Variants in CEP112 observed in about 807,000 individuals in gnomAD.
CEP112 encodes centrosomal protein 112.
A neutral mutation model predicts 153.0 loss-of-function variants in CEP112; 127 were observed. That is an observed-to-expected ratio of 0.83 (90% confidence interval 0.72 to 0.96). The LOEUF (loss-of-function observed/expected upper bound fraction) is 0.96, where lower values mean the gene tolerates loss of function less well. CEP112 is among the 40% of genes least tolerant of loss of function. The pLI, the probability that CEP112 is intolerant of heterozygous loss-of-function variation, is 0.00. For missense variants in CEP112, 1,089 were observed against 1,101.2 expected (o/e 0.99, Z 0.16); for synonymous variants, 358 against 374.4 (o/e 0.96, Z 0.51).
At chr17:65,897,328 T>C (rs2059691132) in intron 20 of CEP112, among the ~76,000 whole-genome samples, 1 of 152,184 alleles carries the variant, frequency 6.6e-6, no homozygotes, top group Admixed American at 6.6e-5. Flanking sequence ...AATACTATTT[T>C]GGTTATGCAG....
intron 2 of CEP112, among the ~76,000 whole-genome samples, chr17:66,180,617 T>C (rs928913543): frequency 6.6e-6 from 1 of 152,182 alleles, no homozygotes; most frequent in African/African-American, 2.4e-5. Context: ...TGTCATTTTG[T>C]GAAATAATTA....
intron 17 of CEP112, among the ~76,000 whole-genome samples, chr17:65,982,899 A>G (rs560436364): frequency 6.6e-6 from 1 of 152,362 alleles, no homozygotes; most frequent in South Asian, 2.1e-4. Context: ...ATGAAGTGAC[A>G]ATATTTGCTG....
Position 65,851,923 on chromosome 17 carries a change from T to G in CEP112, c.2275A>C (p.Lys759Gln). Residue 759 changes from lysine (K) to glutamine (Q), a missense_variant, in exon 21 of 27, where the codon AAG becomes CAG. Physicochemically the swap from Lys to Gln is moderately conservative, Grantham distance 53. Coordinates refer to ENST00000535342, the MANE Select transcript of CEP112 (RefSeq NM_001199165.4). ...VELGLLREEE[K>Q]QRATREHEIV... ...TCATGTTCCCTTGTAGCCCTTTGCTTTTCCTCTTCACGAAGAAGACCAAGC... is the reference window on the plus strand; with the variant it reads ...TCATGTTCCCTTGTAGCCCTTTGCTGTTCCTCTTCACGAAGAAGACCAAGC... 6.2e-7 allele frequency: 1 copy of G among 1,614,174 alleles called. No homozygotes were observed. The highest frequency in any genetic ancestry group is 8.5e-7 in the Non-Finnish European group (1 of 1,180,012).
At chr17:65,933,233 A>C (rs935230738) in intron 18 of CEP112, among the ~76,000 whole-genome samples, 2 of 152,102 alleles carry the variant, frequency 1.3e-5, no homozygotes, top group African/African-American at 4.8e-5. Flanking sequence ...TCCAAAGGAG[A>C]AGAGAGAGAG....
intron 20 of CEP112, among the ~76,000 whole-genome samples, chr17:65,880,987 AG>A (rs1348203188): frequency 2.0e-5 from 3 of 152,080 alleles, no homozygotes; most frequent in Non-Finnish European, 4.4e-5. Flanking sequence ...GAGGTCAAGG[AG>A]GGCAGATCAC....
intron 4 of CEP112, among the ~76,000 whole-genome samples, chr17:66,135,521 G>A (rs530012420): frequency 1.3e-5 from 2 of 152,224 alleles, no homozygotes; most frequent in East Asian, 3.9e-4. Context: ...ATTGGTACAG[G>A]GGACCTGATC....
chr17:65,787,764 A>G (rs2054357150), intron 21 of CEP112, among the ~76,000 whole-genome samples: 1 of 152,178 alleles, frequency 6.6e-6, no homozygotes, highest in Non-Finnish European at 1.5e-5. Flanking sequence ...TGGATTATAT[A>G]TTTAGACAAC....
At chr17:66,058,856 C>A (rs9900770) in intron 11 of CEP112, among the ~76,000 whole-genome samples, 99,196 of 151,894 alleles carry the variant, frequency 0.65, 33,418 homozygotes, top group East Asian at 0.96. Context: ...TGTCTCAAAA[C>A]CAAAATAAAA....
intron 20 of CEP112, among the ~76,000 whole-genome samples, chr17:65,871,630 G>A (rs985000850): frequency 2.6e-5 from 4 of 152,182 alleles, no homozygotes; most frequent in East Asian, 1.9e-4. Flanking sequence ...GCGAGACTCC[G>A]TCTCAATAAA....
intron 4 of CEP112, among the ~76,000 whole-genome samples, chr17:66,171,677 TAAAGTA>T (rs2072248756): frequency 6.6e-6 from 1 of 152,250 alleles, no homozygotes; most frequent in Non-Finnish European, 1.5e-5. Flanking sequence ...TGGCTTTAGC[TAAAGTA>T]AATGTTAGTT....
At chr17:66,157,285 A>G (rs1009892135) in intron 4 of CEP112, among the ~76,000 whole-genome samples, 5 of 152,236 alleles carry the variant, frequency 3.3e-5, no homozygotes, top group Non-Finnish European at 7.3e-5. Context: ...ACTAAGCTTC[A>G]TAAGTGAAGG....
intron 17 of CEP112, among the ~76,000 whole-genome samples, chr17:65,970,760 T>TATCTTAC (rs2062713628): frequency 6.6e-6 from 1 of 150,904 alleles, no homozygotes; most frequent in African/African-American, 2.4e-5. Context: ...ACATTACAGG[T>TATCTTAC]ATGTTACATG....
At chr17:66,117,717 A>C (rs1003244508) in intron 6 of CEP112, among the ~76,000 whole-genome samples, 1 of 152,202 alleles carries the variant, frequency 6.6e-6, no homozygotes, top group East Asian at 1.9e-4. Context: ...AACAATCAAC[A>C]AAGTGAAGAG....
In CEP112 at chr17:65,970,492, C is replaced by T. The variant is rs377412655; in HGVS notation, c.1737-8894G>A. ...TGCATGTATATTACATGCATGCACACTACATGCATATTATATGCATGCATA... is the reference window on the plus strand; with the variant it reads ...TGCATGTATATTACATGCATGCACATTACATGCATATTATATGCATGCATA... On this transcript the variant is annotated intron_variant, in intron 17 of 26. Coordinates refer to ENST00000535342, the MANE Select transcript of CEP112 (RefSeq NM_001199165.4). Among the ~76,000 whole-genome samples, 42 of 130,818 alleles carry T rather than the reference C, an allele frequency of 3.2e-4. 5 individuals are homozygous for T. Among genetic ancestry groups the T allele is most frequent in the African/African-American group, 1.1e-3 (40 of 36,320 alleles). 85.8% of individuals were successfully genotyped at this position (130,818 alleles called of 152,430 possible).
intron 22 of CEP112, among the ~76,000 whole-genome samples, chr17:65,749,783 G>GTAGTTCATTAGATATGATTATCTTT (rs2051704619): frequency 6.6e-6 from 1 of 152,094 alleles, no homozygotes. Flanking sequence ...TTATCTTTTT[G>GTAGTTCATTAGATATGATTATCTTT]TTGTTGTTGT....
At chr17:66,179,764 C>T (rs902621247) in intron 2 of CEP112, among the ~76,000 whole-genome samples, 7 of 152,086 alleles carry the variant, frequency 4.6e-5, no homozygotes, top group Non-Finnish European at 1.0e-4. Flanking sequence ...TTGTTGTATT[C>T]CAGATCTTAA....
chr17:65,662,495 T>C (rs1282786200), intron 24 of CEP112, among the ~76,000 whole-genome samples: 1 of 152,144 alleles, frequency 6.6e-6, no homozygotes, highest in Non-Finnish European at 1.5e-5. Context: ...AAAGGTCAAA[T>C]AAAGAGCAGG....
chr17:66,122,537 A>G (rs1201087192), intron 6 of CEP112, among the ~76,000 whole-genome samples: 1 of 152,022 alleles, frequency 6.6e-6, no homozygotes, highest in Non-Finnish European at 1.5e-5. Context: ...CTTTGGAATC[A>G]CCCCTCAGTG....
intron 16 of CEP112, among the ~76,000 whole-genome samples, chr17:66,026,233 T>C (rs536386742): frequency 6.6e-6 from 1 of 152,238 alleles, no homozygotes; most frequent in Admixed American, 6.5e-5. Flanking sequence ...GATTATGTAA[T>C]ATATCCATGT....
Sources: allele counts gnomAD v4.1 joint callset (sites outside exome capture counted in the v4.1 genomes callset), GRCh38; gene constraint gnomAD v4.1.1; transcripts MANE v1.5; gene names NCBI Gene and HGNC (gene_info 2026-07-23, HGNC 2026-07-21).